The following UTY variants were observed in gnomAD, a reference collection of about 807,000 sequenced individuals.
UTY encodes the protein histone demethylase UTY.
In UTY, 12 loss-of-function variants were observed where a neutral mutation model predicts 32.5. That is an observed-to-expected ratio of 0.37 (90% CI 0.24 to 0.60). The LOEUF (loss-of-function observed/expected upper bound fraction) is 0.60. UTY is among the 20% of genes least tolerant of loss of function. The pLI, the probability that UTY is intolerant of heterozygous loss-of-function variation, is 0.69. For synonymous variants in UTY, 131 were observed against 103.4 expected, an observed-to-expected ratio of 1.27 and a Z score of -1.62; for missense variants, 303 against 299.2, an observed-to-expected ratio of 1.01 and a Z score of -0.09.
chrY:13,395,557 T>C, intron 7 of UTY, among the ~76,000 whole-genome samples: 1 of 32,211 alleles, frequency 3.1e-5, no homozygotes, highest in Non-Finnish European at 7.6e-5. Context: ...GAGGATCACT[T>C]GAGCCTGGGA....
At chrY:13,260,704 A>G in intron 27 of UTY, among the ~76,000 whole-genome samples, 3 of 33,435 alleles carry the variant, frequency 9.0e-5, no homozygotes. Flanking sequence ...AACTTTTGTA[A>G]GAGTCAACTT....
intron 25 of UTY, among the ~76,000 whole-genome samples, chrY:13,299,681 T>G (rs2058272169): frequency 3.0e-5 from 1 of 33,012 alleles, no homozygotes; most frequent in Non-Finnish European, 7.4e-5. Flanking sequence ...CCTCTTTCAT[T>G]TCCGGTTGGA....
chrY:13,305,468 C>T lies in UTY; in HGVS notation c.3496G>A (p.Val1166Ile). 2.5e-6 allele frequency: 1 copy of T among 395,794 alleles called. No homozygotes were observed. The highest frequency in any genetic ancestry group is 3.5e-6 in the Non-Finnish European group (1 of 281,990). The change falls in exon 24 of 30, where the codon GTT (valine) becomes ATT (isoleucine). Residue 1166 changes from valine (V) to isoleucine (I), a missense_variant. By Grantham distance (29) the Val-to-Ile change is conservative. Coordinates refer to ENST00000545955, the MANE Select transcript of UTY (RefSeq NM_001258249.2). ...VVSAGNLLTH[V>I]GHTILGMNTV... ...TTCATGCCCAGAATGGTATGCCCAA[C>T]ATGGGTTAGAAGATTTCCTGCTGAC...
At chrY:13,325,800 T>G in intron 19 of UTY, among the ~76,000 whole-genome samples, 1 of 33,578 alleles carries the variant, frequency 3.0e-5, no homozygotes, top group Non-Finnish European at 7.4e-5. Flanking sequence ...CAGTCAATAT[T>G]TGAGAAGGCC....
At chrY:13,440,718 G>A (rs2075094304) in intron 4 of UTY, among the ~76,000 whole-genome samples, 1 of 33,295 alleles carries the variant, frequency 3.0e-5, no homozygotes, top group African/African-American at 1.2e-4. Context: ...AACTTGGTTC[G>A]ACATTAGTGA....
At chrY:13,476,835 C>CA (rs35928285) in intron 2 of UTY, among the ~76,000 whole-genome samples, 49 of 21,457 alleles carry the variant, frequency 2.3e-3, no homozygotes, top group Admixed American at 5.7e-3. Context: ...CGTATGAGGT[C>CA]AAAAAAAAAA....
At chrY:13,278,146 A>G (rs2056802580) in intron 27 of UTY, among the ~76,000 whole-genome samples, 1 of 33,287 alleles carries the variant, frequency 3.0e-5, no homozygotes, top group Non-Finnish European at 7.4e-5. Context: ...CCAGAAAAGA[A>G]CTCACTCCTT....
rs375861442 is a variant in UTY at position 13,324,720 on chromosome Y, A to G, written c.2965-14T>C. On this transcript the variant is annotated splice_polypyrimidine_tract_variant and intron_variant, in intron 19 of 29. Transcript: ENST00000545955. ...TTTATTTTCCAACTGTAAAAGCAAAATATTTTGTTAGGTCTCAGATAAATG... is the reference window on the plus strand; with the variant it reads ...TTTATTTTCCAACTGTAAAAGCAAAGTATTTTGTTAGGTCTCAGATAAATG... The G allele has an allele frequency of 4.5e-5, 17 of 378,616 alleles. No individual in the cohort carries two copies. Among genetic ancestry groups the G allele is most frequent in the Non-Finnish European group, 6.0e-5 (16 of 268,265 alleles). The allele number at this position is 378,616 out of a possible 400,897, so 94.4% of individuals were successfully genotyped here. A position where few individuals can be genotyped will look rare whatever the true frequency, so the allele number is the denominator to read the frequency against.
At chrY:13,358,648 AT>A (rs2063210249) in intron 13 of UTY, 29 bp from the exon 14 acceptor site, 1 of 329,685 alleles carries the variant, frequency 3.0e-6, no homozygotes, top group Non-Finnish European at 4.2e-6. Context: ...AGATAAAAAT[AT>A]GGTTCTACAT....
chrY:13,394,532 C>G (rs2067925385), intron 7 of UTY, among the ~76,000 whole-genome samples: 1 of 32,880 alleles, frequency 3.0e-5, no homozygotes, highest in African/African-American at 1.2e-4. Flanking sequence ...TTTTGCAGCC[C>G]TTCTTGATGC....
At chrY:13,439,330 T>C in intron 4 of UTY, among the ~76,000 whole-genome samples, 1 of 33,210 alleles carries the variant, frequency 3.0e-5, no homozygotes, top group Non-Finnish European at 7.4e-5. Context: ...GGTCTTTGTA[T>C]GCACCTATCC....
chrY:13,280,486 A>C, intron 27 of UTY, among the ~76,000 whole-genome samples: 1 of 33,650 alleles, frequency 3.0e-5, no homozygotes, highest in Non-Finnish European at 7.4e-5. Flanking sequence ...TCAATATTCA[A>C]GTACAACAAC....
At chrY:13,382,808 A>C in intron 8 of UTY, among the ~76,000 whole-genome samples, 1 of 33,795 alleles carries the variant, frequency 3.0e-5, no homozygotes, top group Non-Finnish European at 7.3e-5. Context: ...AAGTCAATAA[A>C]AGTAAAAGGA....
intron 4 of UTY, among the ~76,000 whole-genome samples, chrY:13,429,118 GATA>G: frequency 3.0e-5 from 1 of 33,676 alleles, no homozygotes; most frequent in Non-Finnish European, 7.4e-5. Flanking sequence ...AGCAAATCAG[GATA>G]ATTTCACTTC....
chrY:13,251,067 C>T lies in UTY; in HGVS notation c.4258G>A (p.Glu1420Lys), dbSNP rs758370113. ...ATTAGGTCCTCCATTTTGTACTGTT[C>T]GAGCACCACAAAATTTTCCAAACTT... ...SKSLENFVVLEQYKMEDLIQV... is the reference protein window; with the variant it reads ...SKSLENFVVLKQYKMEDLIQV... The change falls in exon 29 of 30, where the codon GAA (glutamate) becomes AAA (lysine). Residue 1420 changes from glutamate to lysine, a missense_variant. By Grantham distance (56) the Glu-to-Lys change is moderately conservative (BLOSUM62 1). Transcript: ENST00000545955. 7.6e-6 allele frequency: 3 copies of T among 396,473 alleles called. No homozygotes were observed. The highest frequency in any genetic ancestry group is 6.4e-5 in the African/African-American group (1 of 15,660).
At chrY:13,445,244 A>AATATATAT (rs60043171) in intron 4 of UTY, among the ~76,000 whole-genome samples, 3 of 5,234 alleles carry the variant, frequency 5.7e-4, no homozygotes, top group Non-Finnish European at 3.9e-4. Flanking sequence ...TTTTTAAAAT[A>AATATATAT]ATATATATAT....
At chrY:13,281,650 GAA>G (rs2057020875) in intron 27 of UTY, among the ~76,000 whole-genome samples, 5 of 33,338 alleles carry the variant, frequency 1.5e-4, no homozygotes, top group Admixed American at 5.4e-4. Context: ...TAAGAACAAA[GAA>G]AGTCATTATA....
intron 4 of UTY, among the ~76,000 whole-genome samples, chrY:13,435,573 C>T: frequency 2.9e-5 from 1 of 34,428 alleles, no homozygotes; most frequent in Non-Finnish European, 7.3e-5. Context: ...GGGTCGGCAG[C>T]CATTTTGGGC....
At chrY:13,391,182 C>T in intron 8 of UTY, among the ~76,000 whole-genome samples, 1 of 33,189 alleles carries the variant, frequency 3.0e-5, no homozygotes, top group Non-Finnish European at 7.5e-5. Context: ...ACCACTACTA[C>T]ACAAACAGGT....
Sources: allele counts gnomAD v4.1 joint callset (sites outside exome capture counted in the v4.1 genomes callset), GRCh38; gene constraint gnomAD v4.1.1; transcripts MANE v1.5; gene names NCBI Gene and HGNC (gene_info 2026-07-23, HGNC 2026-07-21).